IKZF4: variants seen among roughly 807,000 people sequenced by gnomAD.
IKZF4 encodes zinc finger protein Eos.
Under a neutral mutation model 47.7 loss-of-function variants are expected in IKZF4, and 11 were observed. The ratio of observed to expected loss-of-function variants is 0.23; its 90% confidence interval spans 0.15 to 0.38. The LOEUF (loss-of-function observed/expected upper bound fraction) is 0.38. Among genes scored for constraint, IKZF4 ranks in the 10% least tolerant of loss-of-function variants. The pLI is 1.00. For missense variants in IKZF4, 557 were observed against 784.9 expected (o/e 0.71, Z 3.47); for synonymous variants, 298 against 299.4 (o/e 1.00, Z 0.05).
At chr12:56,018,999 C>T (rs988853037), upstream of IKZF4, among the ~76,000 whole-genome samples, 13 of 151,738 alleles carry the variant, frequency 8.6e-5, no homozygotes, top group Admixed American at 4.6e-4. Flanking sequence ...GGGCAGATCA[C>T]GAAGTCAAGA....
chr12:56,021,505 A>G lies in IKZF4; in HGVS notation c.12A>G (p.Pro4=). The G allele has an allele frequency of 1.2e-6, 2 of 1,602,132 alleles. No individual in the cohort carries two copies. Among genetic ancestry groups the G allele is most frequent in the Non-Finnish European group, 1.7e-6 (2 of 1,175,448 alleles). The part of the protein sequence containing the change: MHT[P]PALPRRFQGG... ...ACTGAGACGCAGACATGCATACACC[A>G]CCCGCACTCCCTCGCCGTTTCCAAG... Residue 4 remains proline, a synonymous_variant, in exon 1 of 8, where the codon CCA becomes CCG. Coordinates refer to ENST00000547167, the MANE Select transcript of IKZF4 (RefSeq NM_022465.4).
At chr12:56,025,259 C>T (rs1461603515) in intron 3 of IKZF4, 101 bp downstream of exon 3, 28 of 1,286,164 alleles carry the variant, frequency 2.2e-5, no homozygotes, top group Non-Finnish European at 2.9e-5. Flanking sequence ...TCGTCACCTC[C>T]TGCTGGTCTC....
At chr12:56,019,373 GAC>G (rs1892554947), upstream of IKZF4, 2 of 985,066 alleles carry the variant, frequency 2.0e-6, no homozygotes, top group African/African-American at 1.7e-5. Context: ...AGATGGGTCA[GAC>G]ACACATATGA....
At position 56,038,351 on chromosome 12, in the gene IKZF4, T is replaced by G. The variant is rs571011696; in HGVS notation, c.*3020T>G. On this transcript the variant is annotated 3_prime_UTR_variant, in exon 8 of 8. Transcript: ENST00000547167. The stretch of plus-strand genomic sequence containing the variant: ...ATATGTAATATATTGTAAGTAAATA[T>G]TTGTGTAACGGAGATATACTACTGT... 6.6e-6 allele frequency: 1 copy of G among 152,602 alleles called. No homozygotes were observed. The highest frequency in any genetic ancestry group is 1.5e-5 in the Non-Finnish European group (1 of 68,050). The allele number at this position is 152,602 out of a possible 1,614,324, so 9.5% of individuals were successfully genotyped here.
chr12:56,019,891 A>C (rs1286471288), upstream of IKZF4, among the ~76,000 whole-genome samples: 2 of 152,250 alleles, frequency 1.3e-5, no homozygotes, highest in Non-Finnish European at 2.9e-5. Context: ...TTTTGAATGG[A>C]AGTGGAGGCC....
At chr12:56,016,304 C>T (rs1163977994), upstream of IKZF4, among the ~76,000 whole-genome samples, 1 of 152,098 alleles carries the variant, frequency 6.6e-6, no homozygotes, top group Non-Finnish European at 1.5e-5. Context: ...TTCAAAAAGA[C>T]CAAGAATCCC....
rs35866089 is a variant in IKZF4, at chr12:56,036,453, C to T, written c.*1122C>T. The T allele has an allele frequency of 1.3e-5, 2 of 152,264 alleles. No homozygotes were observed. The highest frequency in any genetic ancestry group is 2.4e-5 in the African/African-American group (1 of 41,454). 9.4% of individuals were successfully genotyped at this position (152,264 alleles called of 1,614,324 possible). The stretch of plus-strand genomic sequence containing the variant: ...TTCAGCCCCTCAGTCATGCTGCCTT[C>T]TGCTGCTCCCTCCCAGCAGGATTCA... On this transcript the variant is annotated 3_prime_UTR_variant, in exon 8 of 8. Transcript: ENST00000547167.
chr12:56,033,665 C>T (rs1565833755), intron 7 of IKZF4, among the ~76,000 whole-genome samples: 2 of 151,952 alleles, frequency 1.3e-5, no homozygotes, highest in Admixed American at 6.6e-5. Flanking sequence ...GGAGATCGCG[C>T]CACTGCACTC....
Position 56,034,613 on chromosome 12 carries a change from A to G in IKZF4, c.1040A>G (p.Asp347Gly). 1 of 1,613,794 alleles carries G rather than the reference A, an allele frequency of 6.2e-7. No homozygotes were observed. The highest frequency in any genetic ancestry group is 8.5e-7 in the Non-Finnish European group (1 of 1,179,770). The part of the protein sequence containing the change: ...MRFSLSDLPY[D>G]VNSGGYEKDV... ...TTCAGCCTCTCAGACCTCCCCTATG[A>G]TGTGAACTCGGGTGGCTATGAAAAG... Residue 347 changes from aspartate to glycine, a missense_variant, in exon 8 of 8, where the codon GAT becomes GGT. Physicochemically the swap from Asp to Gly is moderately conservative, Grantham distance 94. Transcript: ENST00000547167.
At position 56,023,871 on chromosome 12, in the gene IKZF4, T is replaced by A. The variant is rs1039848177; in HGVS notation, c.181+107T>A. 22 of 1,518,338 alleles carry A rather than the reference T, an allele frequency of 1.4e-5. No individual in the cohort carries two copies. The Middle Eastern group carries it at 1.9e-3, about 133-fold the overall frequency. The allele number at this position is 1,518,338 out of a possible 1,614,324, so 94.1% of individuals were successfully genotyped here. ...TCTTGCACTCTCCCTTGCTTTCTCTTTCTCTCTTCCATATTTAGGCCTGTG... is the reference window on the plus strand; with the variant it reads ...TCTTGCACTCTCCCTTGCTTTCTCTATCTCTCTTCCATATTTAGGCCTGTG... On this transcript the variant is annotated intron_variant, in intron 2 of 7. Coordinates refer to ENST00000547167, the MANE Select transcript of IKZF4 (RefSeq NM_022465.4).
upstream of IKZF4, among the ~76,000 whole-genome samples, chr12:56,018,891 T>C (rs1892480589): frequency 1.3e-5 from 2 of 150,838 alleles, no homozygotes; most frequent in Non-Finnish European, 3.0e-5. Context: ...GAGACCAGCC[T>C]GGGCAACATG....
In IKZF4 at chr12:56,021,254, C is replaced by A; in HGVS notation, c.-240C>A. The A allele has an allele frequency of 2.2e-6, 3 of 1,387,820 alleles. No individual in the cohort carries two copies. Among genetic ancestry groups the A allele is most frequent in the Non-Finnish European group, 1.9e-6 (2 of 1,053,238 alleles). The allele number at this position is 1,387,820 out of a possible 1,614,324, so 86.0% of individuals were successfully genotyped here. On this transcript the variant is annotated 5_prime_UTR_variant, in exon 1 of 8. Coordinates refer to ENST00000547167, the MANE Select transcript of IKZF4 (RefSeq NM_022465.4). ...CCCTCCCCAAGCACATCCAAGCGTG[C>A]TCTCCCCTCTCCTTCTCTCCCTCTC...
At chr12:56,027,133 G>A (rs1894153317) in intron 4 of IKZF4, 92 bp downstream of exon 4, 2 of 1,295,800 alleles carry the variant, frequency 1.5e-6, no homozygotes, top group South Asian at 1.9e-5. Context: ...TGGGGCTGGA[G>A]GAGGTCATGC....
rs1007374845 is a variant in IKZF4, at chr12:56,021,198, C to T, written c.-296C>T. 1.9e-5 allele frequency: 27 copies of T among 1,410,496 alleles called. No homozygotes were observed. The highest frequency in any genetic ancestry group is 8.7e-5 in the African/African-American group (6 of 68,754). 87.4% of individuals were successfully genotyped at this position (1,410,496 alleles called of 1,614,324 possible). On this transcript the variant is annotated 5_prime_UTR_variant, in exon 1 of 8. Transcript: ENST00000547167. ...GGATGCTGTAGCCTAGCATCTCCCCCACTATATACACATATACATTCTCTC... is the reference window on the plus strand; with the variant it reads ...GGATGCTGTAGCCTAGCATCTCCCCTACTATATACACATATACATTCTCTC...
intron 1 of IKZF4, among the ~76,000 whole-genome samples, chr12:56,009,480 G>A (rs1891095923): frequency 6.6e-6 from 1 of 152,164 alleles, no homozygotes; most frequent in Admixed American, 6.5e-5. Context: ...GAGGACTTCA[G>A]CTTTCCCTAC....
At position 56,035,179 on chromosome 12, in the gene IKZF4, C is replaced by T. The variant is rs766808335; in HGVS notation, c.1606C>T (p.Arg536Cys). Reference sequence around the variant, plus strand: ...GAAGGCCTTCAAGTGTGAGCACTGCCGTATCCTCTTCCTGGACCACGTCAT... The same window carrying T: ...GAAGGCCTTCAAGTGTGAGCACTGCTGTATCCTCTTCCTGGACCACGTCAT... Reference protein sequence around the residue: ...PVKAFKCEHCRILFLDHVMFT... With the variant: ...PVKAFKCEHCCILFLDHVMFT... The change falls in exon 8 of 8, where the codon CGT (arginine) becomes TGT (cysteine). Residue 536 changes from arginine to cysteine, a missense_variant. Around this residue, in one of 6 missense-constraint regions of IKZF4, gnomAD observed 280 missense variants for 314.0 expected, o/e 0.89. Coordinates refer to ENST00000547167, the MANE Select transcript of IKZF4 (RefSeq NM_022465.4). This position sits in a 1 kb window ranked among gnomAD's most constrained non-coding sequence, Gnocchi z 6.1. 2.0e-5 allele frequency: 33 copies of T among 1,614,086 alleles called. No individual in the cohort carries two copies. The highest frequency in any genetic ancestry group is 3.3e-5 in the South Asian group (3 of 91,088).
At chr12:56,025,924 A>T (rs776936597) in intron 3 of IKZF4, among the ~76,000 whole-genome samples, 3 of 152,048 alleles carry the variant, frequency 2.0e-5, no homozygotes, top group Non-Finnish European at 4.4e-5. Flanking sequence ...GACAGAAGAC[A>T]TCCTATGTAC....
At position 56,033,205 on chromosome 12, in the gene IKZF4, A is replaced by C. The variant is rs772296380; in HGVS notation, c.881A>C (p.Asp294Ala). The C allele has an allele frequency of 4.3e-6, 7 of 1,613,894 alleles. No homozygotes were observed. Among genetic ancestry groups the C allele is most frequent in the Non-Finnish European group, 5.1e-6 (6 of 1,179,834 alleles). Residue 294 changes from aspartate to alanine, a missense_variant, in exon 7 of 8, where the codon GAC (aspartate) becomes GCC (alanine). By Grantham distance (126) the Asp-to-Ala change is moderately radical. This residue lies in a region of IKZF4 where 72 missense variants were observed against 112.4 expected (regional missense o/e 0.64). Coordinates refer to ENST00000547167, the MANE Select transcript of IKZF4 (RefSeq NM_022465.4). ...LAGQPGDEIR[D>A]LEMVPDSMLH... ...TTCCCACTAGGTGACGAAATACGTG[A>C]CCTGGAGATGGTGCCAGACTCCATG...
intron 5 of IKZF4, among the ~76,000 whole-genome samples, chr12:56,031,358 CAT>C (rs1246524906): frequency 6.6e-6 from 1 of 152,098 alleles, no homozygotes; most frequent in Non-Finnish European, 1.5e-5. Flanking sequence ...ATATGTATCT[CAT>C]AAACATGTAT....
Sources: allele counts gnomAD v4.1 joint callset (sites outside exome capture counted in the v4.1 genomes callset), GRCh38; gene constraint gnomAD v4.1.1; regional missense constraint gnomAD v4.1.1; non-coding constraint Gnocchi (gnomAD v3.1); transcripts MANE v1.5; gene names NCBI Gene and HGNC (gene_info 2026-07-23, HGNC 2026-07-21).